Variants in AGBL4 observed in about 807,000 individuals in gnomAD.
AGBL4 encodes the protein cytosolic carboxypeptidase 6.
A neutral mutation model predicts 66.4 loss-of-function variants in AGBL4; 58 were observed. That is an observed-to-expected ratio of 0.87 (90% CI 0.71 to 1.09). AGBL4 has a LOEUF of 1.09. Ranked by LOEUF, AGBL4 falls within the 50% of genes least tolerant of loss-of-function variation. AGBL4 has a pLI of 0.00. For missense variants in AGBL4, 579 were observed against 631.0 expected, an observed-to-expected ratio of 0.92 and a Z score of 0.88; for synonymous variants, 234 against 222.9, an observed-to-expected ratio of 1.05 and a Z score of -0.44.
intron 4 of AGBL4, among the ~76,000 whole-genome samples, chr1:49,126,199 G>A (rs1645760961): frequency 6.6e-6 from 1 of 152,130 alleles, no homozygotes; most frequent in Non-Finnish European, 1.5e-5. Flanking sequence ...TTCTGGAAAG[G>A]ACCCCACGTG....
intron 3 of AGBL4, among the ~76,000 whole-genome samples, chr1:49,446,687 T>G (rs974443954): frequency 2.0e-5 from 3 of 152,166 alleles, no homozygotes; most frequent in African/African-American, 7.2e-5. Context: ...GTGATTCACA[T>G]GGATGTCCTG....
At chr1:49,026,491 A>G (rs1465095420) in intron 5 of AGBL4, among the ~76,000 whole-genome samples, 1 of 152,182 alleles carries the variant, frequency 6.6e-6, no homozygotes, top group East Asian at 1.9e-4. Flanking sequence ...CTTATAGCTG[A>G]GGGGAATCAA....
At chr1:49,990,089 T>C (rs924701252) in intron 1 of AGBL4, among the ~76,000 whole-genome samples, 2 of 152,182 alleles carry the variant, frequency 1.3e-5, no homozygotes, top group Admixed American at 1.3e-4. Flanking sequence ...CACAATTTTG[T>C]AAAACAATCC....
chr1:49,622,445 C>T (rs1441245914), intron 3 of AGBL4, among the ~76,000 whole-genome samples: 3 of 150,968 alleles, frequency 2.0e-5, no homozygotes, highest in African/African-American at 4.9e-5. Context: ...CCGGCTAAAA[C>T]GGTGAAACCC....
intron 5 of AGBL4, among the ~76,000 whole-genome samples, chr1:48,957,468 G>A (rs928591541): frequency 6.6e-5 from 10 of 152,126 alleles, no homozygotes. Context: ...TCTAGAAATG[G>A]AATGGGTGGC....
intron 2 of AGBL4, among the ~76,000 whole-genome samples, chr1:49,738,359 G>C (rs1381128041): frequency 1.3e-5 from 2 of 152,206 alleles, no homozygotes; most frequent in Non-Finnish European, 2.9e-5. Context: ...GGCTGGGGGA[G>C]GGGCGCTCAC....
intron 5 of AGBL4, among the ~76,000 whole-genome samples, chr1:49,019,670 A>G (rs1185854178): frequency 6.6e-6 from 1 of 152,236 alleles, no homozygotes; most frequent in Non-Finnish European, 1.5e-5. Flanking sequence ...GCATTTGTGT[A>G]GCTGTTTAGA....
chr1:49,846,533 G>T, intron 2 of AGBL4: 1 of 563,498 alleles, frequency 1.8e-6, no homozygotes, highest in Non-Finnish European at 3.0e-6. Flanking sequence ...ATACAAAAGT[G>T]AAGAGACAAT....
intron 5 of AGBL4, among the ~76,000 whole-genome samples, chr1:48,980,268 G>A (rs1044639456): frequency 6.6e-6 from 1 of 152,134 alleles, no homozygotes; most frequent in Non-Finnish European, 1.5e-5. Context: ...AATATAGCAT[G>A]GAGAAGAGCT....
At chr1:49,285,951 C>T (rs1265901614) in intron 3 of AGBL4, among the ~76,000 whole-genome samples, 2 of 152,108 alleles carry the variant, frequency 1.3e-5, no homozygotes, top group Non-Finnish European at 2.9e-5. Context: ...AACATTGATG[C>T]AAAAATCCTC....
intron 1 of AGBL4, among the ~76,000 whole-genome samples, chr1:49,952,297 T>TAAC (rs1424798487): frequency 6.6e-6 from 1 of 151,834 alleles, no homozygotes; most frequent in Non-Finnish European, 1.5e-5. Flanking sequence ...CCTGCAATCA[T>TAAC]AACATGTAGT....
At chr1:49,904,034 A>C (rs761091917) in intron 1 of AGBL4, among the ~76,000 whole-genome samples, 7 of 152,158 alleles carry the variant, frequency 4.6e-5, no homozygotes, top group Non-Finnish European at 8.8e-5. Flanking sequence ...ATATGTATTA[A>C]ATTTTCACCA....
chr1:49,996,447 A>G (rs749969706), intron 1 of AGBL4, among the ~76,000 whole-genome samples: 4 of 152,188 alleles, frequency 2.6e-5, no homozygotes, highest in Non-Finnish European at 5.9e-5. Flanking sequence ...AATAGAATCA[A>G]ACAAGTAGAA....
chr1:48,818,213 C>A (rs935546534), intron 6 of AGBL4: 1 of 717,328 alleles, frequency 1.4e-6, no homozygotes, highest in Non-Finnish European at 2.6e-6. Context: ...TCACCAGCTC[C>A]ATCTTCCAGC....
intron 3 of AGBL4, among the ~76,000 whole-genome samples, chr1:49,293,381 A>G (rs1056201475): frequency 3.3e-5 from 5 of 152,338 alleles, no homozygotes; most frequent in African/African-American, 1.2e-4. Context: ...AGCAGGCCTG[A>G]GCAAAACTCA....
intron 3 of AGBL4, among the ~76,000 whole-genome samples, chr1:49,482,195 G>T (rs1357569484): frequency 6.6e-6 from 1 of 151,962 alleles, no homozygotes; most frequent in African/African-American, 2.4e-5. Flanking sequence ...AATAGTTTCA[G>T]TAGGAATAGT....
chr1:48,639,249 G>A (rs1163302733), intron 8 of AGBL4, among the ~76,000 whole-genome samples: 2 of 152,112 alleles, frequency 1.3e-5, no homozygotes, highest in African/African-American at 2.4e-5. Flanking sequence ...TACCTGCATG[G>A]GCACCTTTTG....
At chr1:49,029,407 C>T (rs1664030153) in intron 5 of AGBL4, among the ~76,000 whole-genome samples, 1 of 151,728 alleles carries the variant, frequency 6.6e-6, no homozygotes, top group South Asian at 2.1e-4. Context: ...AAGTCCAAAA[C>T]AAAATTAAGA....
At chr1:48,864,449 C>T (rs1357733370) in intron 6 of AGBL4, among the ~76,000 whole-genome samples, 2 of 152,092 alleles carry the variant, frequency 1.3e-5, no homozygotes, top group African/African-American at 4.8e-5. Flanking sequence ...CATACTCATA[C>T]GTAAAGAGAC....
Sources: gnomAD v4.1 joint callset for allele counts (sites outside exome capture counted in the v4.1 genomes callset) on GRCh38, gnomAD v4.1.1 for gene constraint, MANE v1.5 for transcripts, NCBI Gene and HGNC (gene_info 2026-07-23, HGNC 2026-07-21) for gene names.